The following PCNX2 variants were observed in gnomAD, a reference collection of about 807,000 sequenced individuals.
PCNX2 encodes the protein pecanex 2.
A neutral mutation model predicts 223.8 loss-of-function variants in PCNX2; 168 were observed. The observed-to-expected ratio is 0.75, with a 90% confidence interval of 0.66 to 0.85. The LOEUF is 0.85. PCNX2 is among the 40% of genes least tolerant of loss of function. The pLI, the probability that PCNX2 is intolerant of heterozygous loss-of-function variation, is 0.00. For synonymous variants in PCNX2, 1,006 were observed against 1,052.6 expected, an observed-to-expected ratio of 0.96 and a Z score of 0.86; for missense variants, 2,507 against 2,675.5, an observed-to-expected ratio of 0.94 and a Z score of 1.39.
chr1:233,081,423 T>C (rs1167519846), intron 23 of PCNX2, among the ~76,000 whole-genome samples: 2 of 152,186 alleles, frequency 1.3e-5, no homozygotes, highest in East Asian at 3.9e-4. Flanking sequence ...CCTGAGACTG[T>C]ATTCAGAACC....
chr1:233,236,037 T>C (rs2102961907), intron 9 of PCNX2, among the ~76,000 whole-genome samples: 1 of 148,104 alleles, frequency 6.8e-6, no homozygotes, highest in African/African-American at 2.5e-5. Context: ...CTGAAACATT[T>C]CCAGGAAAAA....
Position 233,000,513 on chromosome 1 carries a change from T to C in PCNX2, c.5120A>G (p.Glu1707Gly), listed in dbSNP as rs1670045838. The change falls in exon 30 of 34, where the codon GAG (glutamate) becomes GGG (glycine). Residue 1707 changes from glutamate (E) to glycine (G), a missense_variant. Transcript: ENST00000258229. This position sits in a 1 kb window ranked among gnomAD's most constrained non-coding sequence, Gnocchi z 4.6. ...GTAGAGGACTGCTGGGTCTTCATACTCGTCAGGGCAAGTGAACTGGTCCTG... is the reference window on the plus strand; with the variant it reads ...GTAGAGGACTGCTGGGTCTTCATACCCGTCAGGGCAAGTGAACTGGTCCTG... ...LHQDQFTCPD[E>G]YEDPAVLYEA... is the part of the protein sequence containing the mutation. 1 of 1,600,622 alleles carries C rather than the reference T, an allele frequency of 6.2e-7. No homozygotes were observed.
At chr1:233,169,566 A>G (rs1396529497) in intron 17 of PCNX2, among the ~76,000 whole-genome samples, 1 of 149,350 alleles carries the variant, frequency 6.7e-6, no homozygotes, top group Non-Finnish European at 1.5e-5. Flanking sequence ...AATGGCGTGA[A>G]CCCGGGAGGC....
rs1680988992 is a variant in PCNX2, at chr1:233,200,212, G to A, written c.2916C>T (p.Ile972=). The A allele has an allele frequency of 1.9e-6, 3 of 1,594,570 alleles. No individual in the cohort carries two copies. Among genetic ancestry groups the A allele is most frequent in the African/African-American group, 2.7e-5 (2 of 74,588 alleles). The change falls in exon 14 of 34, where the codon ATC becomes ATT. Residue 972 remains isoleucine, a synonymous_variant. Coordinates refer to ENST00000258229, the MANE Select transcript of PCNX2 (RefSeq NM_014801.4). ...CCAAAAGATAAGTGCAGAAAGTGTT[G>A]ATTTGCGGGAAGAGCCCAAGGAGGG... ...AISLLGLFPQ[I]NTFCTYLLEQ...
chr1:232,985,938 TA>T, intron 33 of PCNX2, 153 bp downstream of exon 33: 1 of 824,958 alleles, frequency 1.2e-6, no homozygotes. Flanking sequence ...ACTTCGTGTC[TA>T]ATCACTGTCC....
intron 17 of PCNX2, among the ~76,000 whole-genome samples, chr1:233,165,987 G>A (rs1426352215): frequency 6.6e-6 from 1 of 152,004 alleles, no homozygotes; most frequent in Non-Finnish European, 1.5e-5. Flanking sequence ...AGTAACTATG[G>A]TATTGATGGT....
chr1:233,205,275 C>A (rs1463653881), intron 13 of PCNX2, among the ~76,000 whole-genome samples: 1 of 152,210 alleles, frequency 6.6e-6, no homozygotes, highest in Non-Finnish European at 1.5e-5. Context: ...TGGCAAAAGG[C>A]ACTTTTTAAG....
At chr1:233,267,203 G>A (rs1178045928) in intron 1 of PCNX2, among the ~76,000 whole-genome samples, 3 of 152,042 alleles carry the variant, frequency 2.0e-5, no homozygotes, top group Non-Finnish European at 4.4e-5. Context: ...TGAAATCCCA[G>A]CTACTCGGGA....
rs1254938073 is a variant in PCNX2 at position 232,983,673 on chromosome 1, C to T, written c.*631G>A. ...ACGTATCCTGGCTTTTCACAGAATA[C>T]TGGAGACATGACTGCATGCATGATC... On this transcript the variant is annotated 3_prime_UTR_variant, in exon 34 of 34. Coordinates refer to ENST00000258229, the MANE Select transcript of PCNX2 (RefSeq NM_014801.4). 6.6e-6 allele frequency: 1 copy of T among 152,202 alleles called. No individual in the cohort carries two copies. The highest frequency in any genetic ancestry group is 1.5e-5 in the Non-Finnish European group (1 of 68,036). The allele number at this position is 152,202 out of a possible 1,614,324, so 9.4% of individuals were successfully genotyped here.
Position 233,208,847 on chromosome 1 carries a change from A to C in PCNX2, c.2692-158T>G, listed in dbSNP as rs1253602984. ...TATACAAAAAAAAAAAAAAAAAAAA[A>C]AAAACAGGAAAAAAAGAAAAGAAAA... is the stretch of plus-strand genomic sequence containing the variant. On this transcript the variant is annotated intron_variant, in intron 12 of 33. Transcript: ENST00000258229. Among the ~76,000 whole-genome samples, 160 of 150,272 alleles carry C rather than the reference A, an allele frequency of 1.1e-3. No individual in the cohort carries two copies. The highest frequency in any genetic ancestry group is 1.8e-3 in the Non-Finnish European group (121 of 67,412).
At position 233,259,404 on chromosome 1, in the gene PCNX2, A is replaced by G. The variant is rs147464501; in HGVS notation, c.518-60T>C. 9.6e-4 allele frequency: 1,425 copies of G among 1,491,464 alleles called. 11 individuals carry two copies. In the East Asian group the frequency reaches 0.013, roughly 14 times the overall value. 92.4% of individuals were successfully genotyped at this position (1,491,464 alleles called of 1,614,324 possible). ...AAATGAATGAGTAATGCCCAAGAGC[A>G]AGACCTAATGAATAATAACAAAACT... On this transcript the variant is annotated intron_variant, in intron 4 of 33. Coordinates refer to ENST00000258229, the MANE Select transcript of PCNX2 (RefSeq NM_014801.4).
At chr1:233,106,780 A>T (rs1674813499) in intron 21 of PCNX2, among the ~76,000 whole-genome samples, 1 of 152,214 alleles carries the variant, frequency 6.6e-6, no homozygotes. Flanking sequence ...AACAATGTTA[A>T]TGTATGAACT....
rs771557194 is a variant in PCNX2 at position 233,263,175 on chromosome 1, A to G, written c.154-12T>C. ...TTTGGAGGAAAAGCCTGAAGAAAGG[A>G]AAAGACAGAGAAAAATCATTTGCTT... On this transcript the variant is annotated splice_polypyrimidine_tract_variant and intron_variant, in intron 1 of 33. Transcript: ENST00000258229. 1.8e-5 allele frequency: 28 copies of G among 1,561,356 alleles called. No individual in the cohort carries two copies. The highest frequency in any genetic ancestry group is 2.3e-5 in the Non-Finnish European group (27 of 1,151,346).
chr1:233,257,748 C>T (rs1659811207), intron 5 of PCNX2, among the ~76,000 whole-genome samples: 1 of 152,148 alleles, frequency 6.6e-6, no homozygotes, highest in South Asian at 2.1e-4. Context: ...AATATAATTG[C>T]TTATTTCTCT....
At chr1:233,104,513 T>C (rs1299847873) in intron 21 of PCNX2, among the ~76,000 whole-genome samples, 1 of 152,006 alleles carries the variant, frequency 6.6e-6, no homozygotes, top group Non-Finnish European at 1.5e-5. Flanking sequence ...CTCAAAAATA[T>C]CTGAAGTAAA....
At chr1:233,135,326 CATT>C in intron 20 of PCNX2, 136 bp from the exon 21 acceptor site, 2 of 842,562 alleles carry the variant, frequency 2.4e-6, no homozygotes, top group Non-Finnish European at 3.6e-6. Flanking sequence ...TAAGGGGCCC[CATT>C]ATTGTCTGCA....
chr1:233,104,182 A>G (rs1453471356), intron 21 of PCNX2, among the ~76,000 whole-genome samples: 2 of 152,168 alleles, frequency 1.3e-5, no homozygotes, highest in African/African-American at 4.8e-5. Flanking sequence ...CATGGTAGAA[A>G]AAAGTCCAAA....
intron 8 of PCNX2, among the ~76,000 whole-genome samples, chr1:233,248,741 C>G (rs1045053705): frequency 4.6e-5 from 7 of 152,080 alleles, no homozygotes; most frequent in African/African-American, 1.7e-4. Context: ...CTTGAAAAGG[C>G]ACGTAAGAAA....
chr1:233,007,956 G>A (rs1362398141), intron 28 of PCNX2, among the ~76,000 whole-genome samples: 2 of 152,168 alleles, frequency 1.3e-5, no homozygotes, highest in East Asian at 3.8e-4. Context: ...TGAGATTACA[G>A]GCGTGAGCCA....
Sources: gnomAD v4.1 joint callset for allele counts (sites outside exome capture counted in the v4.1 genomes callset) on GRCh38, gnomAD v4.1.1 for gene constraint, Gnocchi (gnomAD v3.1) non-coding constraint, MANE v1.5 for transcripts, NCBI Gene and HGNC (gene_info 2026-07-23, HGNC 2026-07-21) for gene names.